LGR5: variants seen among roughly 807,000 people sequenced by gnomAD.
LGR5 encodes the protein leucine rich repeat containing G protein-coupled receptor 5.
A neutral mutation model predicts 76.7 loss-of-function variants in LGR5; 54 were observed. The ratio of observed to expected loss-of-function variants is 0.70; its 90% CI spans 0.57 to 0.88. The LOEUF is 0.88. Among genes scored for constraint, LGR5 ranks in the 40% least tolerant of loss-of-function variants. LGR5 has a pLI of 0.00. For missense variants in LGR5, 1,078 were observed against 1,073.3 expected (o/e 1.00, Z -0.06); for synonymous variants, 406 against 421.9 (o/e 0.96, Z 0.46).
At chr12:71,483,096 AG>A (rs1486905618) in intron 1 of LGR5, among the ~76,000 whole-genome samples, 1 of 152,164 alleles carries the variant, frequency 6.6e-6, no homozygotes, top group East Asian at 1.9e-4. Flanking sequence ...AGAAAAAAAA[AG>A]GAACCACCAT....
chr12:71,440,359 G>A lies in LGR5; in HGVS notation c.212+67G>A, dbSNP rs1871706616. 6.7e-7 allele frequency: 1 copy of A among 1,497,708 alleles called. No individual in the cohort carries two copies. 92.8% of individuals were successfully genotyped at this position (1,497,708 alleles called of 1,614,324 possible). On this transcript the variant is annotated intron_variant, in intron 1 of 17. Transcript: ENST00000266674. This position sits in a 1 kb window ranked among gnomAD's most constrained non-coding sequence, Gnocchi z 5.3. ...GGGAAGGAAGGTTCGTCCAAGGCGA[G>A]GCTGGAGGCTCCTCGGCGCCCGCCT...
intron 1 of LGR5, among the ~76,000 whole-genome samples, chr12:71,503,850 T>C (rs1421990333): frequency 6.6e-6 from 1 of 152,172 alleles, no homozygotes; most frequent in Non-Finnish European, 1.5e-5. Flanking sequence ...ATACCCATGA[T>C]GCTGTGGGGT....
intron 1 of LGR5, among the ~76,000 whole-genome samples, chr12:71,457,401 G>A (rs1208342280): frequency 1.3e-5 from 2 of 152,028 alleles, no homozygotes; most frequent in Non-Finnish European, 2.9e-5. Flanking sequence ...ATTTTTCTAT[G>A]GGCTGGTTAA....
At chr12:71,492,120 G>A (rs912483918) in intron 1 of LGR5, among the ~76,000 whole-genome samples, 2 of 152,066 alleles carry the variant, frequency 1.3e-5, no homozygotes, top group African/African-American at 4.8e-5. Context: ...TTTTCTGTCA[G>A]TTGAGGAGGA....
intron 4 of LGR5, among the ~76,000 whole-genome samples, chr12:71,544,278 CT>C (rs902924663): frequency 3.1e-4 from 28 of 91,410 alleles, no homozygotes; most frequent in South Asian, 6.9e-4. Context: ...TTTTCTTTGT[CT>C]TTTTTTTTTC....
Position 71,473,864 on chromosome 12 carries a change from A to C in LGR5, c.213-30750A>C, listed in dbSNP as rs186738625. ...TTGCAATCATTAAAAATTTAGAGTC[A>C]GTTTACCATCCTACCAAGTAGCTAA... On this transcript the variant is annotated intron_variant, in intron 1 of 17. Transcript: ENST00000266674. 1.8e-4 allele frequency among the ~76,000 whole-genome samples: 27 copies of C among 152,268 alleles called. No homozygotes were observed. The East Asian group carries it at 4.4e-3, about 25-fold the overall frequency.
intron 1 of LGR5, among the ~76,000 whole-genome samples, chr12:71,488,735 C>T (rs1873942515): frequency 6.6e-6 from 1 of 152,132 alleles, no homozygotes; most frequent in Non-Finnish European, 1.5e-5. Flanking sequence ...GATCTAATTG[C>T]AATTAAGGCC....
intron 8 of LGR5, among the ~76,000 whole-genome samples, chr12:71,562,635 C>G (rs1422294674): frequency 6.6e-6 from 1 of 152,108 alleles, no homozygotes; most frequent in African/African-American, 2.4e-5. Context: ...ATATTTAATA[C>G]AGTAGAATGA....
chr12:71,558,723 C>T (rs193275738), intron 6 of LGR5, among the ~76,000 whole-genome samples: 3 of 152,298 alleles, frequency 2.0e-5, no homozygotes, highest in East Asian at 3.9e-4. Context: ...ATCTGATTGC[C>T]TGACGAAAAG....
At chr12:71,478,682 A>G (rs17814919) in intron 1 of LGR5, among the ~76,000 whole-genome samples, 13,640 of 152,270 alleles carry the variant, frequency 0.09, 656 homozygotes, top group Non-Finnish European at 0.11. Context: ...ATCAGTATGC[A>G]TAGGATTATT....
Position 71,469,609 on chromosome 12 carries a change from A to G in LGR5, c.212+29317A>G, listed in dbSNP as rs1041151601. Among the ~76,000 whole-genome samples, 5 of 152,250 alleles carry G rather than the reference A, an allele frequency of 3.3e-5. No individual in the cohort carries two copies. In the East Asian group the frequency reaches 9.6e-4, roughly 29 times the overall value. The stretch of plus-strand genomic sequence containing the variant: ...AGGGGCAGGAGATGGGGGTGAGGTC[A>G]AAGCGGAGAAACTGAGAAAATCCAG... On this transcript the variant is annotated intron_variant, in intron 1 of 17. Coordinates refer to ENST00000266674, the MANE Select transcript of LGR5 (RefSeq NM_003667.4).
At chr12:71,490,601 A>T (rs1289141079) in intron 1 of LGR5, among the ~76,000 whole-genome samples, 1 of 152,102 alleles carries the variant, frequency 6.6e-6, no homozygotes, top group Non-Finnish European at 1.5e-5. Flanking sequence ...TCATTTCCTA[A>T]CACTAGGTCA....
chr12:71,578,991 A>G, intron 15 of LGR5, 62 bp downstream of exon 15: 1 of 1,437,378 alleles, frequency 7.0e-7, no homozygotes. Flanking sequence ...TAGATGTATT[A>G]TAGTGGTGTT....
At chr12:71,496,675 A>G (rs763753696) in intron 1 of LGR5, among the ~76,000 whole-genome samples, 6 of 152,224 alleles carry the variant, frequency 3.9e-5, no homozygotes, top group African/African-American at 1.2e-4. Flanking sequence ...CAAACTAAAA[A>G]CAATCCAAAT....
intron 1 of LGR5, among the ~76,000 whole-genome samples, chr12:71,466,387 T>C (rs1872864219): frequency 1.3e-5 from 2 of 152,210 alleles, no homozygotes; most frequent in Non-Finnish European, 1.5e-5. Context: ...ACTAAACTGA[T>C]AGTTCTTTAG....
At chr12:71,473,168 G>A (rs1873172475) in intron 1 of LGR5, among the ~76,000 whole-genome samples, 1 of 152,132 alleles carries the variant, frequency 6.6e-6, no homozygotes. Flanking sequence ...CGGTGGCCAT[G>A]TCTTACAGGA....
intron 2 of LGR5, among the ~76,000 whole-genome samples, chr12:71,511,978 GGTTT>G (rs553175702): frequency 2.0e-4 from 30 of 151,174 alleles, no homozygotes; most frequent in African/African-American, 3.9e-4. Context: ...ACTCGTTTTT[GGTTT>G]GTTTGTTTTG....
At chr12:71,542,823 A>G (rs914646759) in intron 4 of LGR5, among the ~76,000 whole-genome samples, 1 of 152,150 alleles carries the variant, frequency 6.6e-6, no homozygotes, top group Non-Finnish European at 1.5e-5. Flanking sequence ...AGGAGGAACA[A>G]CTAAGTAGAG....
chr12:71,446,303 G>T (rs1871987949), intron 1 of LGR5, among the ~76,000 whole-genome samples: 1 of 152,180 alleles, frequency 6.6e-6, no homozygotes, highest in Admixed American at 6.5e-5. Flanking sequence ...ATGATGCAAT[G>T]AGTTGTTTAT....
Sources: gnomAD v4.1 joint callset for allele counts (sites outside exome capture counted in the v4.1 genomes callset) on GRCh38, gnomAD v4.1.1 for gene constraint, Gnocchi (gnomAD v3.1) non-coding constraint, MANE v1.5 for transcripts, NCBI Gene and HGNC (gene_info 2026-07-23, HGNC 2026-07-21) for gene names.